AGBL1: variants seen among roughly 807,000 people sequenced by gnomAD.
AGBL1 encodes cytosolic carboxypeptidase 4.
Under a neutral mutation model 118.9 loss-of-function variants are expected in AGBL1, and 130 were observed. That is an observed-to-expected ratio of 1.09 (90% CI 0.95 to 1.26). The LOEUF (loss-of-function observed/expected upper bound fraction) is 1.26, where lower values mean the gene tolerates loss of function less well. AGBL1 is among the 50% of genes most tolerant of loss of function. The pLI is 0.00. For missense variants in AGBL1, 1,584 were observed against 1,298.1 expected, an observed-to-expected ratio of 1.22 and a Z score of -3.38; for synonymous variants, 555 against 478.9, an observed-to-expected ratio of 1.16 and a Z score of -2.08.
chr15:86,574,017 C>T (rs1002809152), intron 21 of AGBL1, among the ~76,000 whole-genome samples: 2 of 151,894 alleles, frequency 1.3e-5, no homozygotes, highest in African/African-American at 4.8e-5. Flanking sequence ...AGCCAGAAAA[C>T]TACCAGCGAC....
At chr15:86,229,460 C>T (rs2078420664) in intron 6 of AGBL1, among the ~76,000 whole-genome samples, 1 of 152,100 alleles carries the variant, frequency 6.6e-6, no homozygotes, top group African/African-American at 2.4e-5. Context: ...GGTAACTGCC[C>T]CCGTGATTCA....
At chr15:86,289,145 C>T (rs2079504717) in intron 16 of AGBL1, among the ~76,000 whole-genome samples, 1 of 152,050 alleles carries the variant, frequency 6.6e-6, no homozygotes, top group African/African-American at 2.4e-5. Flanking sequence ...AAAAGTGCCT[C>T]TTATATACAA....
At chr15:86,700,638 T>C (rs962458810) in intron 22 of AGBL1, among the ~76,000 whole-genome samples, 2 of 152,172 alleles carry the variant, frequency 1.3e-5, no homozygotes, top group African/African-American at 4.8e-5. Flanking sequence ...AATTTTCAGC[T>C]GGTGAAAATT....
chr15:86,103,023 C>T (rs1370210273), intron 1 of AGBL1, among the ~76,000 whole-genome samples: 2 of 151,852 alleles, frequency 1.3e-5, no homozygotes, highest in Non-Finnish European at 2.9e-5. Context: ...TCATTTTTAT[C>T]TTTGGGTTTT....
chr15:86,864,354 C>CA (rs1005020306), intron 22 of AGBL1, among the ~76,000 whole-genome samples: 17 of 152,180 alleles, frequency 1.1e-4, no homozygotes, highest in African/African-American at 3.9e-4. Context: ...TCCCATCTAC[C>CA]AAAAAATGTA....
At chr15:86,786,567 C>G (rs1305425673) in intron 22 of AGBL1, among the ~76,000 whole-genome samples, 2 of 151,906 alleles carry the variant, frequency 1.3e-5, no homozygotes, top group Non-Finnish European at 2.9e-5. Context: ...CTCTCTATAC[C>G]CATGTCAGAA....
Position 86,270,024 on chromosome 15 carries a change from C to T in AGBL1, c.1944C>T (p.Phe648=). The stretch of plus-strand genomic sequence containing the variant: ...TGCAGGCGGCCATCCCTTACCACTT[C>T]AACATCATCAACTGTGAGAAGCCCA... ...SGMQAAIPYH[F]NIINCEKPNS... is the part of the protein sequence containing the mutation. The change falls in exon 14 of 23, where the codon TTC becomes TTT. Residue 648 remains phenylalanine (F), a synonymous_variant. Transcript: ENST00000614907. 1 of 1,613,140 alleles carries T rather than the reference C, an allele frequency of 6.2e-7. No individual in the cohort carries two copies. The highest frequency in any genetic ancestry group is 1.7e-5 in the Admixed American group (1 of 59,886).
chr15:86,904,321 A>G (rs2080252246), intron 22 of AGBL1, among the ~76,000 whole-genome samples: 1 of 151,780 alleles, frequency 6.6e-6, no homozygotes, highest in African/African-American at 2.4e-5. Context: ...TACTCCATCC[A>G]CGTTTCAGTG....
At chr15:86,681,736 G>C (rs183122128) in intron 22 of AGBL1, among the ~76,000 whole-genome samples, 20 of 152,240 alleles carry the variant, frequency 1.3e-4, no homozygotes, top group Non-Finnish European at 2.8e-4. Flanking sequence ...TGTTTTAATA[G>C]AAAGTAACGT....
intron 22 of AGBL1, among the ~76,000 whole-genome samples, chr15:86,691,481 T>C (rs1481009281): frequency 6.6e-6 from 1 of 152,036 alleles, no homozygotes; most frequent in Non-Finnish European, 1.5e-5. Context: ...GAGGGGAAAA[T>C]TGGACTCCTG....
At chr15:86,475,565 G>T (rs1336837672) in intron 18 of AGBL1, among the ~76,000 whole-genome samples, 2 of 152,156 alleles carry the variant, frequency 1.3e-5, no homozygotes, top group African/African-American at 4.8e-5. Flanking sequence ...CAAGAAATAC[G>T]AGACTATGTG....
intron 5 of AGBL1, among the ~76,000 whole-genome samples, chr15:86,166,757 G>A (rs2077347876): frequency 6.6e-6 from 1 of 152,206 alleles, no homozygotes; most frequent in East Asian, 1.9e-4. Flanking sequence ...ATGCTGGACA[G>A]TGAGAAGGGT....
intron 21 of AGBL1, among the ~76,000 whole-genome samples, chr15:86,566,651 A>G (rs1437152891): frequency 6.6e-6 from 1 of 152,122 alleles, no homozygotes; most frequent in Non-Finnish European, 1.5e-5. Flanking sequence ...CGCAGCCCAG[A>G]TGGGACACTT....
chr15:86,880,861 G>A lies in AGBL1; in HGVS notation c.3159-26226G>A, dbSNP rs145543194. On this transcript the variant is annotated intron_variant, in intron 22 of 22. Coordinates refer to ENST00000614907, the MANE Select transcript of AGBL1 (RefSeq NM_001386094.1). ...CCTTTACTCTTCTCCTGCAGCCTTG[G>A]CCTTTACTTCCCTGTTACAGCCTCC... is the stretch of plus-strand genomic sequence containing the variant. 4.9e-3 allele frequency among the ~76,000 whole-genome samples: 745 copies of A among 152,190 alleles called. 5 individuals are homozygous for A. The highest frequency in any genetic ancestry group is 0.017 in the African/African-American group (721 of 41,524).
intron 23 of AGBL1, among the ~76,000 whole-genome samples, chr15:86,959,539 C>T (rs1266446987): frequency 6.7e-6 from 1 of 148,480 alleles, no homozygotes; most frequent in Non-Finnish European, 1.5e-5. Context: ...ATCATTACAA[C>T]ACACACAAAC....
intron 22 of AGBL1, among the ~76,000 whole-genome samples, chr15:86,867,355 T>C (rs2079647489): frequency 6.6e-6 from 1 of 152,166 alleles, no homozygotes; most frequent in African/African-American, 2.4e-5. Flanking sequence ...TAACTTTACA[T>C]TTTACAAATC....
chr15:86,518,415 G>A (rs1456411466), intron 18 of AGBL1, among the ~76,000 whole-genome samples: 1 of 152,078 alleles, frequency 6.6e-6, no homozygotes, highest in East Asian at 1.9e-4. Context: ...TAATCAGAAT[G>A]TCATGCAGCT....
chr15:86,657,157 A>G (rs1167052603), intron 21 of AGBL1, among the ~76,000 whole-genome samples: 1 of 152,122 alleles, frequency 6.6e-6, no homozygotes, highest in African/African-American at 2.4e-5. Flanking sequence ...TGCCCCTTCC[A>G]CTAAGCCTTC....
At chr15:86,319,743 G>GTTTTTTTTTTTTTTTTTT (rs139831044) in intron 17 of AGBL1, among the ~76,000 whole-genome samples, 2 of 47,230 alleles carry the variant, frequency 4.2e-5, no homozygotes, top group Non-Finnish European at 7.2e-5. Context: ...CTCTTTGGTA[G>GTTTTTTTTTTTTTTTTTT]TTTTTTTTTT....
Sources: gnomAD v4.1 joint callset for allele counts (sites outside exome capture counted in the v4.1 genomes callset) on GRCh38, gnomAD v4.1.1 for gene constraint, MANE v1.5 for transcripts, NCBI Gene and HGNC (gene_info 2026-07-23, HGNC 2026-07-21) for gene names.